The following BAIAP2 variants were observed in gnomAD, a reference collection of about 807,000 sequenced individuals.
BAIAP2 encodes the protein BAR/IMD domain containing adaptor protein 2.
Under a neutral mutation model 63.0 loss-of-function variants are expected in BAIAP2, and 18 were observed. That is an observed-to-expected ratio of 0.29 (90% CI 0.20 to 0.42). BAIAP2 has a LOEUF of 0.42. Among genes scored for constraint, BAIAP2 ranks in the 10% least tolerant of loss-of-function variants. The pLI is 1.00. For synonymous variants in BAIAP2, 386 were observed against 307.6 expected, an observed-to-expected ratio of 1.25 and a Z score of -2.67; for missense variants, 610 against 734.3, an observed-to-expected ratio of 0.83 and a Z score of 1.96.
At chr17:81,090,251 C>G (rs980191055) in intron 6 of BAIAP2, among the ~76,000 whole-genome samples, 5 of 152,186 alleles carry the variant, frequency 3.3e-5, no homozygotes, top group African/African-American at 7.2e-5. Flanking sequence ...GGGGGAATAT[C>G]CTGGCTTTCT....
chr17:81,036,970 A>C, intron 1 of BAIAP2: 2 of 1,535,430 alleles, frequency 1.3e-6, no homozygotes, highest in Non-Finnish European at 1.7e-6. Context: ...GGGTGAGTAC[A>C]TGGAGTGGTT....
intron 10 of BAIAP2, chr17:81,105,162 C>A: frequency 9.9e-6 from 1 of 101,030 alleles, no homozygotes; most frequent in Non-Finnish European, 2.5e-5. Context: ...CAGGGGTCTC[C>A]CCCCAATGGC....
Position 81,046,715 on chromosome 17 carries a change from C to G in BAIAP2, c.55-6953C>G, listed in dbSNP as rs1004293377. Among the ~76,000 whole-genome samples, 1 of 152,222 alleles carries G rather than the reference C, an allele frequency of 6.6e-6. No homozygotes were observed. The highest frequency in any genetic ancestry group is 6.5e-5 in the Admixed American group (1 of 15,290). On this transcript the variant is annotated intron_variant, in intron 1 of 13. Coordinates refer to ENST00000428708, the MANE Select transcript of BAIAP2 (RefSeq NM_001144888.2). This position sits in a 1 kb window ranked among gnomAD's most constrained non-coding sequence, Gnocchi z 4.5. ...AGGACACTGTCCACTGCTGCAGGGC[C>G]CCTCCTGTACCTCCCTAGTCCATGC...
intron 3 of BAIAP2, among the ~76,000 whole-genome samples, chr17:81,080,605 G>T (rs537455684): frequency 1.3e-5 from 2 of 152,336 alleles, no homozygotes; most frequent in South Asian, 4.1e-4. Flanking sequence ...CTTTTTCAAA[G>T]GATTTGTTGT....
At chr17:81,084,635 A>C (rs557913449) in intron 3 of BAIAP2, among the ~76,000 whole-genome samples, 197 bp from the exon 4 acceptor site, 2 of 152,194 alleles carry the variant, frequency 1.3e-5, no homozygotes, top group East Asian at 3.9e-4. Flanking sequence ...TGAGGTCTGG[A>C]GTCCCTTCTC....
chr17:81,052,130 C>A (rs927784141), intron 1 of BAIAP2, among the ~76,000 whole-genome samples: 1 of 152,210 alleles, frequency 6.6e-6, no homozygotes, highest in Non-Finnish European at 1.5e-5. Context: ...TCCACCCTCA[C>A]GCCGGGTCCT....
At chr17:81,098,736 C>T (rs910460494) in intron 6 of BAIAP2, among the ~76,000 whole-genome samples, 16 of 152,160 alleles carry the variant, frequency 1.1e-4, no homozygotes, top group African/African-American at 3.6e-4. Flanking sequence ...GTGTGTCCAC[C>T]AAGAAGCACA....
chr17:81,115,474 C>T (rs1028996015), intron 13 of BAIAP2, among the ~76,000 whole-genome samples: 22 of 149,478 alleles, frequency 1.5e-4, no homozygotes, highest in African/African-American at 2.6e-4. Flanking sequence ...TGGCCTGCCC[C>T]GCCCCACCCC....
intron 10 of BAIAP2, chr17:81,105,006 T>TCCCCCCAACGGCAGGGATCG: frequency 3.5e-6 from 1 of 281,894 alleles, no homozygotes. Flanking sequence ...GGCAGGGATC[T>TCCCCCCAACGGCAGGGATCG]CCCCCAATGG....
rs142505282 is a variant in BAIAP2 at position 81,092,744 on chromosome 17, G to A, written c.489+6164G>A. 3.6e-3 allele frequency among the ~76,000 whole-genome samples: 544 copies of A among 152,262 alleles called. 4 individuals carry two copies. Among genetic ancestry groups the A allele is most frequent in the African/African-American group, 0.012 (506 of 41,540 alleles). On this transcript the variant is annotated intron_variant, in intron 6 of 13. Transcript: ENST00000428708. ...ACCTTCACTCCCCAGGACCGTGGTC[G>A]TTGCCACATTTGCTGGGCCAGGTGC...
At chr17:81,048,072 G>A (rs1034395258) in intron 1 of BAIAP2, among the ~76,000 whole-genome samples, 1 of 152,224 alleles carries the variant, frequency 6.6e-6, no homozygotes, top group Non-Finnish European at 1.5e-5. Flanking sequence ...AGCGTCACAG[G>A]AAGGAGAGCC....
chr17:81,079,924 C>T (rs1264922730), intron 3 of BAIAP2, among the ~76,000 whole-genome samples: 1 of 152,124 alleles, frequency 6.6e-6, no homozygotes, highest in Non-Finnish European at 1.5e-5. Flanking sequence ...CTGCCCGCCG[C>T]ATGGGAGGGA....
At chr17:81,058,988 G>A (rs114095830) in intron 3 of BAIAP2, among the ~76,000 whole-genome samples, 2,605 of 152,308 alleles carry the variant, frequency 0.017, 75 homozygotes, top group African/African-American at 0.058. Flanking sequence ...CTAATGCTGA[G>A]GCTCTGGGGC....
intron 3 of BAIAP2, among the ~76,000 whole-genome samples, chr17:81,068,116 G>A (rs1201376957): frequency 6.6e-6 from 1 of 152,260 alleles, no homozygotes; most frequent in African/African-American, 2.4e-5. Context: ...CCAGTTGGCA[G>A]AAGGGTGGGC....
intron 6 of BAIAP2, among the ~76,000 whole-genome samples, chr17:81,090,357 C>T (rs947826949): frequency 6.6e-6 from 1 of 151,600 alleles, no homozygotes; most frequent in Non-Finnish European, 1.5e-5. Flanking sequence ...CTGGACGGAC[C>T]TCCGCCTCTG....
chr17:81,052,125 C>A (rs1020722293), intron 1 of BAIAP2, among the ~76,000 whole-genome samples: 1 of 152,354 alleles, frequency 6.6e-6, no homozygotes, highest in Non-Finnish European at 1.5e-5. Flanking sequence ...CCCCTTCCAC[C>A]CTCACGCCGG....
intron 13 of BAIAP2, among the ~76,000 whole-genome samples, chr17:81,110,703 C>T (rs924045486): frequency 6.6e-6 from 1 of 152,240 alleles, no homozygotes; most frequent in Non-Finnish European, 1.5e-5. Context: ...CCGTCTGCAG[C>T]TGAGGCAGGC....
In BAIAP2 at chr17:81,117,414, A is replaced by ACATCT. The variant is rs1489716782; in HGVS notation, c.*1577_*1581dup. 1 of 152,450 alleles carries ACATCT rather than the reference A, an allele frequency of 6.6e-6. No homozygotes were observed. The highest frequency in any genetic ancestry group is 2.4e-5 in the African/African-American group (1 of 41,586). 9.4% of individuals were successfully genotyped at this position (152,450 alleles called of 1,614,324 possible). On this transcript the variant is annotated 3_prime_UTR_variant, in exon 14 of 14. Transcript: ENST00000428708. ...CCCCTGCGAAGCAACAATAAACTTT[A>ACATCT]CATCTCTTTGGCAACAATAACTTAA...
At chr17:81,115,615 C>T (rs576269669) in intron 13 of BAIAP2, among the ~76,000 whole-genome samples, 155 bp from the exon 14 acceptor site, 3 of 152,348 alleles carry the variant, frequency 2.0e-5, no homozygotes, top group Admixed American at 6.5e-5. Flanking sequence ...CTCCCTGCCC[C>T]GCAAAGCAGC....
Sources: allele counts gnomAD v4.1 joint callset (sites outside exome capture counted in the v4.1 genomes callset), GRCh38; gene constraint gnomAD v4.1.1; non-coding constraint Gnocchi (gnomAD v3.1); transcripts MANE v1.5; gene names NCBI Gene and HGNC (gene_info 2026-07-23, HGNC 2026-07-21).